Variants in BICD1 observed in about 807,000 individuals in gnomAD.
BICD1 encodes the protein protein bicaudal D homolog 1.
Under a neutral mutation model 92.5 loss-of-function variants are expected in BICD1, and 35 were observed. The ratio of observed to expected loss-of-function variants is 0.38; its 90% confidence interval spans 0.29 to 0.50. The LOEUF (loss-of-function observed/expected upper bound fraction) is 0.50. Among genes scored for constraint, BICD1 ranks in the 20% least tolerant of loss-of-function variants. The pLI is 0.93. For missense variants in BICD1, 950 were observed against 1,189.8 expected (o/e 0.80, Z 2.97); for synonymous variants, 429 against 465.1 (o/e 0.92, Z 1.00).
At chr12:32,221,368 T>G (rs901208301) in intron 2 of BICD1, among the ~76,000 whole-genome samples, 2 of 150,122 alleles carry the variant, frequency 1.3e-5, no homozygotes, top group African/African-American at 2.4e-5. Flanking sequence ...AATAAATAAA[T>G]AAATAAATAA....
At chr12:32,113,250 C>T (rs999565106) in intron 1 of BICD1, among the ~76,000 whole-genome samples, 3 of 152,012 alleles carry the variant, frequency 2.0e-5, no homozygotes, top group African/African-American at 7.2e-5. Context: ...TTGGATGTTA[C>T]TATATGTGGA....
intron 8 of BICD1, among the ~76,000 whole-genome samples, chr12:32,347,792 A>G (rs1214466007): frequency 6.6e-6 from 1 of 152,196 alleles, no homozygotes; most frequent in Non-Finnish European, 1.5e-5. Context: ...ATAATGACTT[A>G]GTTTTTTAAT....
In BICD1 at chr12:32,327,451, G is replaced by A; in HGVS notation, c.1006-10G>A. ...TGAGGTGATTCAGAAACTTTCTTTT[G>A]CCATTGCAGGTAGAGCGGGAAAAGG... is the stretch of plus-strand genomic sequence containing the variant. On this transcript the variant is annotated splice_polypyrimidine_tract_variant and intron_variant, in intron 4 of 9. Coordinates refer to ENST00000652176, the MANE Select transcript of BICD1 (RefSeq NM_001714.4). 6.3e-7 allele frequency: 1 copy of A among 1,585,196 alleles called. No homozygotes were observed.
At chr12:32,372,052 T>G (rs562807734) in intron 9 of BICD1, among the ~76,000 whole-genome samples, 1 of 152,324 alleles carries the variant, frequency 6.6e-6, no homozygotes, top group Admixed American at 6.5e-5. Flanking sequence ...AGGAGCAAAG[T>G]CAGAGTATGT....
At chr12:32,136,838 C>T (rs1239685331) in intron 1 of BICD1, among the ~76,000 whole-genome samples, 1 of 152,144 alleles carries the variant, frequency 6.6e-6, no homozygotes, top group African/African-American at 2.4e-5. Context: ...TCTTATCTCT[C>T]TAGAAGGATA....
intron 1 of BICD1, among the ~76,000 whole-genome samples, chr12:32,136,875 T>G (rs1166113100): frequency 6.6e-6 from 1 of 152,214 alleles, no homozygotes; most frequent in Non-Finnish European, 1.5e-5. Context: ...TTGTCCACTT[T>G]GTGCCAGAGT....
chr12:32,126,771 A>G, intron 1 of BICD1, among the ~76,000 whole-genome samples: 1 of 152,068 alleles, frequency 6.6e-6, no homozygotes, highest in East Asian at 1.9e-4. Context: ...AAAAAAAAAG[A>G]AAAAGACCCT....
chr12:32,169,043 C>T (rs147460238), intron 1 of BICD1, among the ~76,000 whole-genome samples: 37 of 152,264 alleles, frequency 2.4e-4, no homozygotes, highest in African/African-American at 7.9e-4. Context: ...GGAGATGGGA[C>T]AGCCTTGCCC....
In BICD1 at chr12:32,378,959, A is replaced by G. The variant is rs1413078282; in HGVS notation, c.*1332A>G. ...TGCACATAATCTGACAAACAAGGAAAACAGCTAACTGAGCTGAAAGGTCTA... is the reference window on the plus strand; with the variant it reads ...TGCACATAATCTGACAAACAAGGAAGACAGCTAACTGAGCTGAAAGGTCTA... On this transcript the variant is annotated 3_prime_UTR_variant, in exon 10 of 10. Coordinates refer to ENST00000652176, the MANE Select transcript of BICD1 (RefSeq NM_001714.4). 1.3e-5 allele frequency: 2 copies of G among 152,242 alleles called. No homozygotes were observed. The highest frequency in any genetic ancestry group is 4.8e-5 in the African/African-American group (2 of 41,468). The allele number at this position is 152,242 out of a possible 1,614,324, so 9.4% of individuals were successfully genotyped here. A position where few individuals can be genotyped will look rare whatever the true frequency, so the allele number is the denominator to read the frequency against.
intron 1 of BICD1, among the ~76,000 whole-genome samples, chr12:32,135,000 A>G (rs1942676424): frequency 1.3e-5 from 2 of 151,540 alleles, no homozygotes; most frequent in Admixed American, 1.3e-4. Flanking sequence ...GTGTGGCATC[A>G]GAGGGCTAGA....
chr12:32,116,700 A>G (rs973305970), intron 1 of BICD1, among the ~76,000 whole-genome samples: 12 of 139,074 alleles, frequency 8.6e-5, no homozygotes, highest in African/African-American at 3.2e-4. Context: ...TTTTTTTTTA[A>G]CCTGATTTTG....
intron 1 of BICD1, among the ~76,000 whole-genome samples, chr12:32,158,179 C>T (rs1157825132): frequency 2.0e-5 from 3 of 148,832 alleles, no homozygotes; most frequent in African/African-American, 5.0e-5. Context: ...AATCTCAGCT[C>T]GCTGCAACCT....
At chr12:32,294,620 T>TAAAAAAAAAAAA (rs60052535) in intron 3 of BICD1, among the ~76,000 whole-genome samples, 1 of 65,628 alleles carries the variant, frequency 1.5e-5, no homozygotes, top group Non-Finnish European at 2.9e-5. Context: ...GACTCCGTCT[T>TAAAAAAAAAAAA]AAAAAAAAAA....
intron 2 of BICD1, among the ~76,000 whole-genome samples, chr12:32,290,016 G>T (rs1947685213): frequency 6.6e-6 from 1 of 152,206 alleles, no homozygotes; most frequent in African/African-American, 2.4e-5. Context: ...AAGTCAACTG[G>T]TGGAGTAGGC....
At chr12:32,354,267 A>G (rs1939008919) in intron 8 of BICD1, 1 of 152,214 alleles carries the variant, frequency 6.6e-6, no homozygotes, top group African/African-American at 2.4e-5. Flanking sequence ...CTCTCTACTT[A>G]GCAAGGCATG....
chr12:32,214,193 G>T (rs1945291441), intron 1 of BICD1, among the ~76,000 whole-genome samples: 1 of 152,046 alleles, frequency 6.6e-6, no homozygotes, highest in African/African-American at 2.4e-5. Flanking sequence ...TGTAACTCTG[G>T]CATCACAAGA....
intron 8 of BICD1, among the ~76,000 whole-genome samples, chr12:32,351,311 C>A (rs554991741): frequency 1.3e-5 from 2 of 150,900 alleles, no homozygotes; most frequent in African/African-American, 2.4e-5. Flanking sequence ...CATGGTGAAA[C>A]CCTGTCTCTA....
intron 2 of BICD1, among the ~76,000 whole-genome samples, chr12:32,237,127 G>A (rs11051866): frequency 0.13 from 20,234 of 151,692 alleles, 2,331 homozygotes; most frequent in African/African-American, 0.31. Flanking sequence ...TGATCTGCCC[G>A]CCTCGGCCTC....
intron 2 of BICD1, among the ~76,000 whole-genome samples, chr12:32,271,218 C>T (rs554173874): frequency 1.3e-5 from 2 of 152,320 alleles, no homozygotes; most frequent in Non-Finnish European, 2.9e-5. Context: ...GATGAGACTT[C>T]GCTCAGAGCT....
Sources: gnomAD v4.1 joint callset for allele counts (sites outside exome capture counted in the v4.1 genomes callset) on GRCh38, gnomAD v4.1.1 for gene constraint, MANE v1.5 for transcripts, NCBI Gene and HGNC (gene_info 2026-07-23, HGNC 2026-07-21) for gene names.